STYXL2: variants seen among roughly 807,000 people sequenced by gnomAD.
The protein encoded by STYXL2 is serine/threonine/tyrosine-interacting-like protein 2.
Under a neutral mutation model 52.4 loss-of-function variants are expected in STYXL2, and 44 were observed. The ratio of observed to expected loss-of-function variants is 0.84; its 90% CI spans 0.66 to 1.08. The LOEUF is 1.08. Ranked by LOEUF, STYXL2 falls within the 50% of genes least tolerant of loss-of-function variation. STYXL2 has a pLI of 0.00. For synonymous variants in STYXL2, 604 were observed against 586.9 expected, an observed-to-expected ratio of 1.03 and a Z score of -0.42; for missense variants, 1,604 against 1,471.7, an observed-to-expected ratio of 1.09 and a Z score of -1.47.
intron 2 of STYXL2, among the ~76,000 whole-genome samples, chr1:167,099,415 T>C (rs1050654952): frequency 4.6e-5 from 7 of 152,236 alleles, no homozygotes; most frequent in African/African-American, 7.2e-5. Flanking sequence ...CATGTACACA[T>C]GGAGCATTTG....
chr1:167,124,290 C>T (rs1667917916), intron 5 of STYXL2, among the ~76,000 whole-genome samples: 1 of 152,162 alleles, frequency 6.6e-6, no homozygotes, highest in Admixed American at 6.5e-5. Flanking sequence ...ATTACTGGGC[C>T]TCAAGTCCCC....
At chr1:167,119,623 C>T (rs1038448244) in intron 5 of STYXL2, among the ~76,000 whole-genome samples, 157 bp downstream of exon 5, 1 of 152,194 alleles carries the variant, frequency 6.6e-6, no homozygotes, top group Admixed American at 6.5e-5. Flanking sequence ...GATAATCATT[C>T]ATCCAGTAAG....
In STYXL2 at chr1:167,126,443, A is replaced by C; in HGVS notation, c.1312A>C (p.Ser438Arg). The change falls in exon 6 of 6, where the codon AGC becomes CGC. Residue 438 changes from serine to arginine, a missense_variant. By Grantham distance (110) the Ser-to-Arg change is moderately radical. Transcript: ENST00000361200. ...GRRRRTLSESSAWESVSSHDI... is the reference protein window; with the variant it reads ...GRRRRTLSESRAWESVSSHDI... ...GCGGCGGCGCACCCTGAGCGAGAGCAGCGCCTGGGAGAGCGTGAGCAGCCA... is the reference window on the plus strand; with the variant it reads ...GCGGCGGCGCACCCTGAGCGAGAGCCGCGCCTGGGAGAGCGTGAGCAGCCA... 1 of 1,577,388 alleles carries C rather than the reference A, an allele frequency of 6.3e-7. No individual in the cohort carries two copies. Among genetic ancestry groups the C allele is most frequent in the Non-Finnish European group, 8.6e-7 (1 of 1,162,210 alleles).
chr1:167,118,063 G>A (rs1398954006), intron 4 of STYXL2, among the ~76,000 whole-genome samples: 1 of 152,354 alleles, frequency 6.6e-6, no homozygotes, highest in Middle Eastern at 3.4e-3. Context: ...ATAGACAACA[G>A]TTAGGAAATG....
chr1:167,120,879 T>C (rs1262065912), intron 5 of STYXL2, among the ~76,000 whole-genome samples: 1,620 of 94,976 alleles, frequency 0.017, 113 homozygotes, highest in African/African-American at 0.048. Flanking sequence ...TATATATATA[T>C]ATATATACAG....
intron 5 of STYXL2, among the ~76,000 whole-genome samples, chr1:167,125,489 C>G (rs922145566): frequency 1.3e-5 from 2 of 152,176 alleles, no homozygotes; most frequent in Non-Finnish European, 2.9e-5. Context: ...GCTTTATCAC[C>G]CTTCCCCCTG....
chr1:167,119,736 C>T (rs1168457006), intron 5 of STYXL2, among the ~76,000 whole-genome samples: 1 of 151,788 alleles, frequency 6.6e-6, no homozygotes, highest in Non-Finnish European at 1.5e-5. Flanking sequence ...TAAGAGGGGA[C>T]AGAAAATGAA....
Position 167,127,073 on chromosome 1 carries a change from G to A in STYXL2, c.1942G>A (p.Ala648Thr), listed in dbSNP as rs780422021. 12 of 1,612,894 alleles carry A rather than the reference G, an allele frequency of 7.4e-6. No individual in the cohort carries two copies. The Admixed American group carries it at 1.8e-4, about 25-fold the overall frequency. Reference protein sequence around the residue: ...EESQSMASWEADSSTASGSIP... With the variant: ...EESQSMASWETDSSTASGSIP... ...GAGCCAGTCTATGGCAAGCTGGGAG[G>A]CGGACAGCTCCACGGCCAGCGGGAG... The change falls in exon 6 of 6, where the codon GCG becomes ACG. Residue 648 changes from alanine (A) to threonine (T), a missense_variant. Ala to Thr is a moderately conservative substitution (Grantham distance 58). Transcript: ENST00000361200.
intron 2 of STYXL2, among the ~76,000 whole-genome samples, chr1:167,104,165 C>T (rs1319852589): frequency 6.6e-6 from 1 of 151,954 alleles, no homozygotes; most frequent in Non-Finnish European, 1.5e-5. Flanking sequence ...AACCTCTGCC[C>T]GTCCCCCCAC....
chr1:167,116,112 A>G (rs1017520436), intron 3 of STYXL2, among the ~76,000 whole-genome samples: 49 of 152,214 alleles, frequency 3.2e-4, no homozygotes, highest in Non-Finnish European at 6.5e-4. Flanking sequence ...ACATCTTTCC[A>G]GCTTCTTTTC....
Position 167,126,764 on chromosome 1 carries a change from G to A in STYXL2, c.1633G>A (p.Glu545Lys). The change falls in exon 6 of 6, where the codon GAA becomes AAA. Residue 545 changes from glutamate (E) to lysine (K), a missense_variant. Transcript: ENST00000361200. ...GAACAAGGACAAGCTCACTGCCCTG[G>A]AAAGATGGAAGATCAAGAGAATCCA... The part of the protein sequence containing the change: ...SRNKDKLTAL[E>K]RWKIKRIQFG... 6.2e-7 allele frequency: 1 copy of A among 1,614,202 alleles called. No individual in the cohort carries two copies. Among genetic ancestry groups the A allele is most frequent in the Non-Finnish European group, 8.5e-7 (1 of 1,180,030 alleles).
At chr1:167,097,882 G>A (rs1444040171) in intron 2 of STYXL2, among the ~76,000 whole-genome samples, 1 of 151,838 alleles carries the variant, frequency 6.6e-6, no homozygotes, top group African/African-American at 2.4e-5. Flanking sequence ...AACGATATAG[G>A]TTTGTCATGG....
chr1:167,101,279 C>T (rs764086604), intron 2 of STYXL2, among the ~76,000 whole-genome samples: 6 of 152,188 alleles, frequency 3.9e-5, no homozygotes, highest in East Asian at 3.9e-4. Flanking sequence ...AGTGAGTTAC[C>T]GTTACATTAC....
chr1:167,113,497 C>A (rs1295120823), intron 2 of STYXL2, among the ~76,000 whole-genome samples: 1 of 152,250 alleles, frequency 6.6e-6, no homozygotes, highest in African/African-American at 2.4e-5. Flanking sequence ...CACACACCAT[C>A]AGTGCCAACT....
At chr1:167,109,266 C>A (rs1667568483) in intron 2 of STYXL2, among the ~76,000 whole-genome samples, 1 of 152,218 alleles carries the variant, frequency 6.6e-6, no homozygotes, top group Non-Finnish European at 1.5e-5. Context: ...TTGCTTTCTC[C>A]TCAGGGAGGC....
intron 2 of STYXL2, among the ~76,000 whole-genome samples, chr1:167,108,194 C>A (rs1316383055): frequency 6.6e-6 from 1 of 152,198 alleles, no homozygotes; most frequent in Non-Finnish European, 1.5e-5. Context: ...AGCTCTTCAT[C>A]CATCTACCCA....
intron 5 of STYXL2, among the ~76,000 whole-genome samples, chr1:167,123,148 A>G (rs1055603821): frequency 6.6e-6 from 1 of 152,208 alleles, no homozygotes; most frequent in African/African-American, 2.4e-5. Context: ...GGCCCCCTAG[A>G]GTTGTGCAGA....
chr1:167,099,093 A>G (rs541005600), intron 2 of STYXL2, among the ~76,000 whole-genome samples: 17 of 152,318 alleles, frequency 1.1e-4, no homozygotes, highest in African/African-American at 3.8e-4. Flanking sequence ...ACACTTCATA[A>G]TGATCAAAGG....
Position 167,127,012 on chromosome 1 carries a change from G to A in STYXL2, c.1881G>A (p.Leu627=). ...TGGCTAAGAAGAGACAACGGAGGCT[G>A]GAGCTGCTGGAGAGAAGCCGGCAGA... ...SALAKKRQRR[L]ELLERSRQTL... is the part of the protein sequence containing the mutation. The change falls in exon 6 of 6, where the codon CTG becomes CTA. Residue 627 remains leucine, a synonymous_variant. Transcript: ENST00000361200. 1 of 1,606,528 alleles carries A rather than the reference G, an allele frequency of 6.2e-7. No homozygotes were observed. The highest frequency in any genetic ancestry group is 8.5e-7 in the Non-Finnish European group (1 of 1,175,572).
Sources: allele counts gnomAD v4.1 joint callset (sites outside exome capture counted in the v4.1 genomes callset), GRCh38; gene constraint gnomAD v4.1.1; transcripts MANE v1.5; gene names NCBI Gene and HGNC (gene_info 2026-07-23, HGNC 2026-07-21).